CADPS: variants seen among roughly 807,000 people sequenced by gnomAD.
CADPS encodes the protein calcium dependent secretion activator, also known as calcium-dependent secretion activator 1.
A neutral mutation model predicts 167.3 loss-of-function variants in CADPS; 57 were observed. That is an observed-to-expected ratio of 0.34 (90% CI 0.28 to 0.42). The LOEUF (loss-of-function observed/expected upper bound fraction) is 0.42, where lower values mean the gene tolerates loss of function less well. CADPS is among the 20% of genes least tolerant of loss of function. The probability of loss-of-function intolerance (pLI) is 1.00; values close to 1 mark genes in which losing one functional copy is unlikely to be tolerated. For missense variants in CADPS, 1,414 were observed against 1,738.1 expected (o/e 0.81, Z 3.32); for synonymous variants, 676 against 635.3 (o/e 1.06, Z -0.96).
At chr3:62,489,167 A>AT (rs11456268) in intron 21 of CADPS, among the ~76,000 whole-genome samples, 19,898 of 148,116 alleles carry the variant, frequency 0.13, 1,395 homozygotes, top group Admixed American at 0.19. Context: ...AACTTTTATT[A>AT]TTTTTTTTTT....
intron 4 of CADPS, among the ~76,000 whole-genome samples, chr3:62,659,022 G>A (rs542670310): frequency 6.6e-6 from 1 of 152,104 alleles, no homozygotes; most frequent in Non-Finnish European, 1.5e-5. Context: ...CTCCGTCTCC[G>A]ATCTCCTCTT....
At chr3:62,871,851 G>A (rs530037382) in intron 1 of CADPS, among the ~76,000 whole-genome samples, 2 of 152,084 alleles carry the variant, frequency 1.3e-5, no homozygotes, top group Non-Finnish European at 2.9e-5. Flanking sequence ...GAGTATATAG[G>A]AACTCTCTGT....
chr3:62,736,465 A>G (rs1215389448), intron 3 of CADPS, among the ~76,000 whole-genome samples: 1 of 152,192 alleles, frequency 6.6e-6, no homozygotes, highest in Non-Finnish European at 1.5e-5. Context: ...CATCTGGGGC[A>G]GTTTGCATGC....
In CADPS at chr3:62,545,944, C is replaced by A. The variant is rs938374562; in HGVS notation, c.1966+3959G>T. Among the ~76,000 whole-genome samples the A allele has an allele frequency of 4.6e-4, 70 of 151,956 alleles. 1 individual carries two copies. Among genetic ancestry groups the A allele is most frequent in the African/African-American group, 1.6e-3 (65 of 41,368 alleles). On this transcript the variant is annotated intron_variant, in intron 11 of 29. Transcript: ENST00000383710. ...TTTTGTCTTGTAAATACTAATAAAG[C>A]GATTATAGAGTTAAGTCACTGAAAG...
intron 17 of CADPS, among the ~76,000 whole-genome samples, chr3:62,503,428 T>G (rs1171648173): frequency 6.6e-6 from 1 of 152,222 alleles, no homozygotes; most frequent in African/African-American, 2.4e-5. Flanking sequence ...GACTGATCTC[T>G]GTAAAGCTCA....
chr3:62,407,192 C>T (rs576417001), intron 28 of CADPS, among the ~76,000 whole-genome samples: 63 of 152,268 alleles, frequency 4.1e-4, no homozygotes, highest in African/African-American at 1.5e-3. Flanking sequence ...CTCTCCCTCT[C>T]TCAACCTAAA....
intron 28 of CADPS, among the ~76,000 whole-genome samples, chr3:62,419,563 C>A (rs111261698): frequency 2.6e-5 from 4 of 152,026 alleles, no homozygotes; most frequent in East Asian, 3.9e-4. Flanking sequence ...GTGAGCAGTG[C>A]GAATAATTTA....
intron 8 of CADPS, among the ~76,000 whole-genome samples, chr3:62,577,116 T>A (rs1512019): frequency 6.6e-6 from 1 of 151,836 alleles, no homozygotes; most frequent in Non-Finnish European, 1.5e-5. Context: ...AATTGCTGAA[T>A]CCTGGAAGAC....
intron 17 of CADPS, among the ~76,000 whole-genome samples, chr3:62,506,114 G>A (rs28377515): frequency 0.065 from 9,923 of 152,246 alleles, 380 homozygotes; most frequent in East Asian, 0.16. Flanking sequence ...AGACAGCTGT[G>A]CGCGGTGGCT....
chr3:62,808,729 C>A (rs67666938), intron 1 of CADPS, among the ~76,000 whole-genome samples: 26,151 of 151,968 alleles, frequency 0.17, 2,526 homozygotes, highest in Middle Eastern at 0.32. Flanking sequence ...AGGTGGCCTT[C>A]AGTGCCACCT....
intron 1 of CADPS, among the ~76,000 whole-genome samples, chr3:62,832,408 A>G (rs1212591450): frequency 6.6e-6 from 1 of 152,242 alleles, no homozygotes; most frequent in East Asian, 1.9e-4. Context: ...AATAATGTCA[A>G]AGTTAAAGTA....
intron 28 of CADPS, among the ~76,000 whole-genome samples, chr3:62,436,317 AAC>A (rs201968947): frequency 9.9e-5 from 15 of 152,132 alleles, no homozygotes; most frequent in East Asian, 1.9e-4. Flanking sequence ...CTCACACAAT[AAC>A]ACACACACAC....
chr3:62,434,344 T>C (rs2054562459), intron 28 of CADPS, among the ~76,000 whole-genome samples: 1 of 152,192 alleles, frequency 6.6e-6, no homozygotes, highest in South Asian at 2.1e-4. Flanking sequence ...GATTCTTTTC[T>C]GATCAGCACT....
chr3:62,746,813 C>A (rs928439518), intron 3 of CADPS, among the ~76,000 whole-genome samples: 2 of 152,156 alleles, frequency 1.3e-5, no homozygotes, highest in Non-Finnish European at 2.9e-5. Flanking sequence ...GTGAGCACAG[C>A]CTCGCCAGCA....
At chr3:62,580,576 A>G (rs1473141557) in intron 8 of CADPS, among the ~76,000 whole-genome samples, 1 of 147,648 alleles carries the variant, frequency 6.8e-6, no homozygotes, top group Non-Finnish European at 1.5e-5. Flanking sequence ...CATAAAACTT[A>G]AAGTATAATA....
At chr3:62,759,679 G>T (rs1436467624) in intron 2 of CADPS, among the ~76,000 whole-genome samples, 1 of 152,024 alleles carries the variant, frequency 6.6e-6, no homozygotes, top group African/African-American at 2.4e-5. Flanking sequence ...ATCTTGACAT[G>T]CATAGATACA....
At chr3:62,709,755 TTTTA>T (rs1263400022) in intron 3 of CADPS, among the ~76,000 whole-genome samples, 15 of 147,626 alleles carry the variant, frequency 1.0e-4, no homozygotes, top group Middle Eastern at 3.4e-3. Flanking sequence ...TGGGTTTTAT[TTTTA>T]TTTTATTTAT....
At chr3:62,774,319 C>T (rs2089730126) in intron 1 of CADPS, among the ~76,000 whole-genome samples, 1 of 151,700 alleles carries the variant, frequency 6.6e-6, no homozygotes. Flanking sequence ...AACTTGGAGG[C>T]ACTCAGTTAA....
chr3:62,745,799 T>C lies in CADPS; in HGVS notation c.888+7642A>G, dbSNP rs529459022. Among the ~76,000 whole-genome samples the C allele has an allele frequency of 1.1e-3, 174 of 152,342 alleles. 1 individual carries two copies. Among genetic ancestry groups the C allele is most frequent in the African/African-American group, 4.1e-3 (169 of 41,588 alleles). On this transcript the variant is annotated intron_variant, in intron 3 of 29. Coordinates refer to ENST00000383710, the MANE Select transcript of CADPS (RefSeq NM_003716.4). ...ACTCTGCATTTACTGATTTAGTCAA[T>C]ATTTAATTGTGCATCTATTTTGTGC...
Sources: gnomAD v4.1 joint callset for allele counts (sites outside exome capture counted in the v4.1 genomes callset) on GRCh38, gnomAD v4.1.1 for gene constraint, MANE v1.5 for transcripts, NCBI Gene and HGNC (gene_info 2026-07-23, HGNC 2026-07-21) for gene names.